Variants in TBL1XR1 observed in about 807,000 individuals in gnomAD.
The protein encoded by TBL1XR1 is F-box-like/WD repeat-containing protein TBL1XR1.
Under a neutral mutation model 66.9 loss-of-function variants are expected in TBL1XR1, and 5 were observed. The observed-to-expected ratio is 0.07, with a 90% CI of 0.04 to 0.16. The LOEUF is 0.16. Among genes scored for constraint, TBL1XR1 ranks in the 10% least tolerant of loss-of-function variants. The pLI, the probability that TBL1XR1 is intolerant of heterozygous loss-of-function variation, is 1.00. For missense variants in TBL1XR1, 238 were observed against 623.2 expected (o/e 0.38, Z 6.58); for synonymous variants, 210 against 206.0 (o/e 1.02, Z -0.17).
At chr3:177,164,442 C>T (rs997541205) in intron 1 of TBL1XR1, among the ~76,000 whole-genome samples, 121 of 152,016 alleles carry the variant, frequency 8.0e-4, no homozygotes, top group African/African-American at 2.8e-3. Flanking sequence ...CTCCATCTCC[C>T]GGGTTGAAGC....
intron 1 of TBL1XR1, among the ~76,000 whole-genome samples, chr3:177,185,273 G>T (rs150889001): frequency 6.6e-6 from 1 of 152,142 alleles, no homozygotes; most frequent in Admixed American, 6.5e-5. Flanking sequence ...ACACTGTATT[G>T]CATGTGTCCT....
intron 3 of TBL1XR1, among the ~76,000 whole-genome samples, chr3:177,055,674 G>C (rs1407039394): frequency 6.6e-6 from 1 of 152,068 alleles, no homozygotes; most frequent in Non-Finnish European, 1.5e-5. Flanking sequence ...ATAAGGATGA[G>C]GGAGGATGGG....
At chr3:177,135,179 T>C (rs565313318) in intron 1 of TBL1XR1, among the ~76,000 whole-genome samples, 1 of 149,888 alleles carries the variant, frequency 6.7e-6, no homozygotes, top group Admixed American at 6.7e-5. Context: ...TTTTTGTATT[T>C]TTAGTAGAGA....
Position 177,033,140 on chromosome 3 carries a change from A to G in TBL1XR1, c.1251-4T>C, listed in dbSNP as rs1576979318. ...AACAGTAGAATCAAAGGATGCACTG[A>G]AAAAGGAAGGAAAGAAAGTTAATTT... On this transcript the variant is annotated splice_region_variant and splice_polypyrimidine_tract_variant and intron_variant, in intron 13 of 15. Coordinates refer to ENST00000457928, the MANE Select transcript of TBL1XR1 (RefSeq NM_024665.7). The G allele has an allele frequency of 6.6e-7, 1 of 1,512,870 alleles. No homozygotes were observed. 93.7% of individuals were successfully genotyped at this position (1,512,870 alleles called of 1,614,324 possible). A position where few individuals can be genotyped will look rare whatever the true frequency, so the allele number is the denominator to read the frequency against.
At chr3:177,148,757 C>A (rs1730536622) in intron 1 of TBL1XR1, among the ~76,000 whole-genome samples, 1 of 151,422 alleles carries the variant, frequency 6.6e-6, no homozygotes, top group Non-Finnish European at 1.5e-5. Context: ...CGCCTGTAAT[C>A]CCTGCACTTT....
chr3:177,172,684 AGAGGG>A, intron 1 of TBL1XR1, among the ~76,000 whole-genome samples: 1 of 66,434 alleles, frequency 1.5e-5, no homozygotes, highest in Non-Finnish European at 3.0e-5. Flanking sequence ...AGGGGAGGGG[AGAGGG>A]GAGGGGAGGA....
At chr3:177,092,917 T>G (rs1307649694) in intron 2 of TBL1XR1, among the ~76,000 whole-genome samples, 1 of 152,036 alleles carries the variant, frequency 6.6e-6, no homozygotes, top group Non-Finnish European at 1.5e-5. Flanking sequence ...ATAAAGAATA[T>G]GTGGTATGAC....
At chr3:177,145,775 T>C (rs2902287) in intron 1 of TBL1XR1, among the ~76,000 whole-genome samples, 19,828 of 152,270 alleles carry the variant, frequency 0.13, 1,701 homozygotes, top group Middle Eastern at 0.21. Context: ...TCAGAGTAGA[T>C]TAACCCTCCC....
At chr3:177,077,715 T>C (rs996597503) in intron 2 of TBL1XR1, among the ~76,000 whole-genome samples, 6 of 152,220 alleles carry the variant, frequency 3.9e-5, no homozygotes, top group East Asian at 3.8e-4. Flanking sequence ...TTTAGTTCTG[T>C]TTCAACTGCA....
chr3:177,165,165 A>C (rs1473958307), intron 1 of TBL1XR1, among the ~76,000 whole-genome samples: 8 of 151,692 alleles, frequency 5.3e-5, no homozygotes, highest in African/African-American at 4.9e-5. Context: ...AAGAACTGAC[A>C]AAAAAAACTC....
intron 1 of TBL1XR1, among the ~76,000 whole-genome samples, chr3:177,108,831 G>A (rs760208377): frequency 4.6e-5 from 7 of 152,080 alleles, no homozygotes; most frequent in East Asian, 1.9e-4. Flanking sequence ...CTGGAAATGC[G>A]TCCTCTTTGC....
At chr3:177,078,144 T>TC (rs1720918815) in intron 2 of TBL1XR1, among the ~76,000 whole-genome samples, 1 of 152,370 alleles carries the variant, frequency 6.6e-6, no homozygotes. Flanking sequence ...AAGCAGTCTG[T>TC]CATGATCTGG....
chr3:177,084,307 A>G (rs568216810), intron 2 of TBL1XR1, among the ~76,000 whole-genome samples: 1 of 151,578 alleles, frequency 6.6e-6, no homozygotes, highest in Non-Finnish European at 1.5e-5. Flanking sequence ...CCACCTACCA[A>G]CCTCTTCTTC....
At chr3:177,042,068 G>C (rs1034707778) in intron 10 of TBL1XR1, among the ~76,000 whole-genome samples, 2 of 152,262 alleles carry the variant, frequency 1.3e-5, no homozygotes, top group East Asian at 1.9e-4. Context: ...CTTTATTGGA[G>C]TGTCTAGTTT....
At chr3:177,071,031 G>GTTTTTGTTTTTTTTTTTTTTTTTTT (rs1719916058) in intron 2 of TBL1XR1, among the ~76,000 whole-genome samples, 1 of 104,716 alleles carries the variant, frequency 9.5e-6, no homozygotes, top group African/African-American at 3.9e-5. Context: ...CTGAGAATCT[G>GTTTTTGTTTTTTTTTTTTTTTTTTT]TTTTTTTTTT....
chr3:177,188,826 T>C (rs934616236), intron 1 of TBL1XR1, among the ~76,000 whole-genome samples: 2 of 152,212 alleles, frequency 1.3e-5, no homozygotes, highest in African/African-American at 4.8e-5. Context: ...GAGTTACAAA[T>C]CTAAGCTCTC....
At chr3:177,103,890 G>A (rs2108686597) in intron 1 of TBL1XR1, among the ~76,000 whole-genome samples, 1 of 152,182 alleles carries the variant, frequency 6.6e-6, no homozygotes, top group East Asian at 1.9e-4. Context: ...CCAAGGCAGG[G>A]AGATCACTTG....
intron 2 of TBL1XR1, among the ~76,000 whole-genome samples, chr3:177,071,830 G>A (rs1720056045): frequency 6.6e-6 from 1 of 152,172 alleles, no homozygotes; most frequent in Admixed American, 6.5e-5. Context: ...AACTTTTATT[G>A]AAAACTAGGA....
intron 1 of TBL1XR1, among the ~76,000 whole-genome samples, chr3:177,146,895 G>C (rs1412349705): frequency 2.6e-5 from 4 of 152,026 alleles, no homozygotes; most frequent in Non-Finnish European, 4.4e-5. Flanking sequence ...ATGCCCAAGA[G>C]TTTTCCCTCT....
Sources: gnomAD v4.1 joint callset for allele counts (sites outside exome capture counted in the v4.1 genomes callset) on GRCh38, gnomAD v4.1.1 for gene constraint, MANE v1.5 for transcripts, NCBI Gene and HGNC (gene_info 2026-07-23, HGNC 2026-07-21) for gene names.